Variants in SYNDIG1 observed in about 807,000 individuals in gnomAD.
The protein encoded by SYNDIG1 is synapse differentiation-inducing gene protein 1.
SYNDIG1 carries 9 observed loss-of-function variants against 19.4 expected under a neutral mutation model. The observed-to-expected ratio is 0.46, with a 90% CI of 0.28 to 0.81. The LOEUF is 0.81. Among genes scored for constraint, SYNDIG1 ranks in the 30% least tolerant of loss-of-function variants. The probability of loss-of-function intolerance (pLI) is 0.12; values close to 1 mark genes in which losing one functional copy is unlikely to be tolerated. For missense variants in SYNDIG1, 311 were observed against 343.3 expected, an observed-to-expected ratio of 0.91 and a Z score of 0.74; for synonymous variants, 141 against 145.9, an observed-to-expected ratio of 0.97 and a Z score of 0.24.
intron 3 of SYNDIG1, among the ~76,000 whole-genome samples, chr20:24,625,314 G>GTA (rs1209129661): frequency 1.4e-4 from 21 of 150,908 alleles, no homozygotes; most frequent in Non-Finnish European, 2.8e-4. Flanking sequence ...AGGCTAACCA[G>GTA]GAGATAAAGA....
intron 3 of SYNDIG1, among the ~76,000 whole-genome samples, chr20:24,597,654 C>A (rs2058617437): frequency 6.6e-6 from 1 of 152,098 alleles, no homozygotes; most frequent in Non-Finnish European, 1.5e-5. Flanking sequence ...GAACACAGAA[C>A]CTGCAGCAAG....
chr20:24,478,711 G>A (rs2055704966), intron 1 of SYNDIG1, among the ~76,000 whole-genome samples: 2 of 152,178 alleles, frequency 1.3e-5, no homozygotes, highest in Admixed American at 6.5e-5. Context: ...GTGGTTTCCT[G>A]GGAGGAGAGC....
chr20:24,591,003 G>GCTGGGGACATTCTCTTTCCTGAC (rs2058501368), intron 3 of SYNDIG1, among the ~76,000 whole-genome samples: 2 of 152,128 alleles, frequency 1.3e-5, no homozygotes, highest in African/African-American at 4.8e-5. Flanking sequence ...ACTTGTGGGT[G>GCTGGGGACATTCTCTTTCCTGAC]CTGGGGACAT....
At chr20:24,529,947 A>AC (rs2057212215) in intron 1 of SYNDIG1, among the ~76,000 whole-genome samples, 6 of 2,606 alleles carry the variant, frequency 2.3e-3, no homozygotes, top group African/African-American at 9.2e-3. Context: ...AATGATGGTG[A>AC]TGGTGTCAGT....
At chr20:24,570,751 C>T (rs969829719) in intron 2 of SYNDIG1, among the ~76,000 whole-genome samples, 4 of 152,216 alleles carry the variant, frequency 2.6e-5, no homozygotes, top group African/African-American at 9.7e-5. Context: ...CAGTTTCAAA[C>T]ACCATATGAC....
chr20:24,639,439 A>G (rs528953095), intron 3 of SYNDIG1, among the ~76,000 whole-genome samples: 7 of 152,330 alleles, frequency 4.6e-5, no homozygotes, highest in African/African-American at 1.7e-4. Context: ...AGGCTTTCAC[A>G]GCAGCTCCCC....
chr20:24,517,764 T>C (rs1461201155), intron 1 of SYNDIG1, among the ~76,000 whole-genome samples: 4 of 146,860 alleles, frequency 2.7e-5, no homozygotes, highest in African/African-American at 7.4e-5. Context: ...TGTGTGTATA[T>C]ATATATATAC....
At chr20:24,490,801 G>A (rs1026807473) in intron 1 of SYNDIG1, among the ~76,000 whole-genome samples, 10 of 152,176 alleles carry the variant, frequency 6.6e-5, no homozygotes, top group South Asian at 2.1e-4. Context: ...ACCTGGAAGC[G>A]CCAGGCTCCA....
chr20:24,530,039 A>AGT (rs2057221743), intron 1 of SYNDIG1, among the ~76,000 whole-genome samples: 1 of 7,170 alleles, frequency 1.4e-4, no homozygotes, highest in Non-Finnish European at 2.9e-4. Flanking sequence ...TGATGGTGGT[A>AGT]ATGGTGAGGG....
intron 2 of SYNDIG1, among the ~76,000 whole-genome samples, chr20:24,561,585 G>C (rs1175035805): frequency 1.3e-5 from 2 of 152,190 alleles, no homozygotes; most frequent in Non-Finnish European, 2.9e-5. Context: ...GACTCCCACT[G>C]TTACTACTCA....
At chr20:24,575,370 T>C (rs906388990) in intron 2 of SYNDIG1, among the ~76,000 whole-genome samples, 2 of 152,226 alleles carry the variant, frequency 1.3e-5, no homozygotes, top group Non-Finnish European at 2.9e-5. Context: ...CCATACACAC[T>C]GAACGTTCAT....
At chr20:24,580,495 C>T (rs900474434) in intron 2 of SYNDIG1, among the ~76,000 whole-genome samples, 1 of 152,154 alleles carries the variant, frequency 6.6e-6, no homozygotes, top group African/African-American at 2.4e-5. Context: ...ACTGCAACCT[C>T]CACTCCCTGG....
intron 2 of SYNDIG1, among the ~76,000 whole-genome samples, chr20:24,568,728 T>C (rs2058093597): frequency 6.6e-6 from 1 of 152,238 alleles, no homozygotes; most frequent in South Asian, 2.1e-4. Flanking sequence ...ATGTGCTATC[T>C]GAGCTCAAGG....
At chr20:24,591,087 T>C (rs1389048600) in intron 3 of SYNDIG1, among the ~76,000 whole-genome samples, 5 of 97,298 alleles carry the variant, frequency 5.1e-5, no homozygotes, top group Non-Finnish European at 1.1e-4. Context: ...TTCGTGTGTG[T>C]GTGTGTGTGT....
At chr20:24,594,228 A>G (rs2058559432) in intron 3 of SYNDIG1, among the ~76,000 whole-genome samples, 1 of 152,170 alleles carries the variant, frequency 6.6e-6, no homozygotes, top group Non-Finnish European at 1.5e-5. Context: ...AGGAAGGGAT[A>G]CAGCTTCAAC....
intron 1 of SYNDIG1, among the ~76,000 whole-genome samples, chr20:24,498,318 C>G (rs1341486906): frequency 6.6e-6 from 1 of 152,172 alleles, no homozygotes; most frequent in Non-Finnish European, 1.5e-5. Flanking sequence ...GATAAGAACA[C>G]TTAACATAAG....
intron 3 of SYNDIG1, among the ~76,000 whole-genome samples, chr20:24,636,618 C>T (rs982718318): frequency 4.6e-5 from 7 of 152,316 alleles, no homozygotes; most frequent in African/African-American, 1.4e-4. Context: ...CCTTACTGTG[C>T]ACGTGGTTGA....
intron 3 of SYNDIG1, among the ~76,000 whole-genome samples, chr20:24,663,926 T>C (rs1330628848): frequency 6.6e-6 from 1 of 152,136 alleles, no homozygotes; most frequent in Non-Finnish European, 1.5e-5. Context: ...GTGGGAGCAC[T>C]GCTGCATGAA....
intron 3 of SYNDIG1, among the ~76,000 whole-genome samples, chr20:24,589,629 G>A (rs1321508598): frequency 1.3e-5 from 2 of 152,254 alleles, no homozygotes; most frequent in African/African-American, 2.4e-5. Flanking sequence ...GGGCAGGCCC[G>A]AGGGTTCCTG....
Sources: gnomAD v4.1 joint callset for allele counts (sites outside exome capture counted in the v4.1 genomes callset) on GRCh38, gnomAD v4.1.1 for gene constraint, MANE v1.5 for transcripts, NCBI Gene and HGNC (gene_info 2026-07-23, HGNC 2026-07-21) for gene names.